Variants in ZC3H7A observed in about 807,000 individuals in gnomAD.
ZC3H7A encodes the protein zinc finger CCCH-type containing 7A, also known as zinc finger CCCH domain-containing protein 7A.
ZC3H7A carries 44 observed loss-of-function variants against 125.5 expected under a neutral mutation model. That is an observed-to-expected ratio of 0.35 (90% confidence interval 0.28 to 0.45). ZC3H7A has a LOEUF of 0.45. ZC3H7A is among the 20% of genes least tolerant of loss of function. The pLI, the probability that ZC3H7A is intolerant of heterozygous loss-of-function variation, is 1.00. For missense variants in ZC3H7A, 977 were observed against 1,170.7 expected (o/e 0.83, Z 2.41); for synonymous variants, 399 against 391.2 (o/e 1.02, Z -0.23).
At chr16:11,795,422 TTGTATGTA>T (rs147854211) in intron 1 of ZC3H7A, among the ~76,000 whole-genome samples, 1 of 152,228 alleles carries the variant, frequency 6.6e-6, no homozygotes, top group South Asian at 2.1e-4. Context: ...ATACGTGTCA[TTGTATGTA>T]TGTATGTATG....
intron 9 of ZC3H7A, 90 bp downstream of exon 9, chr16:11,774,146 G>A (rs2053039143): frequency 3.1e-6 from 4 of 1,276,874 alleles, no homozygotes; most frequent in Admixed American, 3.3e-5. Context: ...CAGCCTATAT[G>A]CAATACTGAA....
At chr16:11,794,104 C>T (rs924474930) in intron 1 of ZC3H7A, among the ~76,000 whole-genome samples, 2 of 152,182 alleles carry the variant, frequency 1.3e-5, no homozygotes, top group African/African-American at 4.8e-5. Context: ...AAGAACTCAA[C>T]AGGAATATTT....
intron 22 of ZC3H7A, 114 bp downstream of exon 22, chr16:11,752,555 C>CA (rs2052570299): frequency 7.5e-7 from 1 of 1,334,808 alleles, no homozygotes; most frequent in Admixed American, 2.7e-5. Flanking sequence ...CAGGGTCTGT[C>CA]AGAGCACAGC....
chr16:11,785,366 T>C (rs1596402991), intron 1 of ZC3H7A, among the ~76,000 whole-genome samples: 1 of 146,464 alleles, frequency 6.8e-6, no homozygotes, highest in African/African-American at 2.5e-5. Context: ...AGCAACCGGG[T>C]GTGGTGGTGC....
intron 16 of ZC3H7A, chr16:11,762,961 A>C: frequency 2.1e-6 from 1 of 478,786 alleles, no homozygotes; most frequent in East Asian, 3.4e-5. Flanking sequence ...CCTCCCAACA[A>C]TTGCATGTAT....
chr16:11,761,906 T>C lies in ZC3H7A; in HGVS notation c.2213+4A>G. ...TAGGAATTGTTTCCACACACAATAC[T>C]TACGAATGCCTTGCTTTTGCACTAC... On this transcript the variant is annotated splice_donor_region_variant and intron_variant, in intron 18 of 22. Transcript: ENST00000355758. 6.2e-7 allele frequency: 1 copy of C among 1,611,778 alleles called. No individual in the cohort carries two copies. The highest frequency in any genetic ancestry group is 8.5e-7 in the Non-Finnish European group (1 of 1,179,480).
At chr16:11,792,309 G>C (rs918471034) in intron 1 of ZC3H7A, among the ~76,000 whole-genome samples, 4 of 152,112 alleles carry the variant, frequency 2.6e-5, no homozygotes, top group African/African-American at 9.7e-5. Context: ...TCATCTCTCT[G>C]GGATCAGCTG....
At chr16:11,758,100 G>A (rs1012195913) in intron 20 of ZC3H7A, among the ~76,000 whole-genome samples, 3 of 152,140 alleles carry the variant, frequency 2.0e-5, no homozygotes, top group Non-Finnish European at 2.9e-5. Flanking sequence ...TCCAATACGA[G>A]CAGATGATCT....
intron 21 of ZC3H7A, among the ~76,000 whole-genome samples, chr16:11,755,017 G>A (rs2052617628): frequency 6.6e-6 from 1 of 151,642 alleles, no homozygotes; most frequent in Non-Finnish European, 1.5e-5. Flanking sequence ...AGACCAGCCT[G>A]GCCAACATGG....
At chr16:11,752,632 C>G in intron 22 of ZC3H7A, 37 bp downstream of exon 22, 5 of 1,583,698 alleles carry the variant, frequency 3.2e-6, no homozygotes, top group South Asian at 1.1e-5. Flanking sequence ...TTGAGGTCAG[C>G]AATTCTGACA....
chr16:11,761,753 G>T (rs1472215599), intron 18 of ZC3H7A, 157 bp downstream of exon 18: 1 of 1,026,646 alleles, frequency 9.7e-7, no homozygotes, highest in East Asian at 2.6e-5. Flanking sequence ...TATCTACTAG[G>T]TCCTAAAAAT....
Position 11,765,514 on chromosome 16 carries a change from A to G in ZC3H7A, c.1694T>C (p.Leu565Pro). ...CTCACAAAGGAATATAAATTCCCCAAGATGCTCCTGGAGAAGTTTGAACAC... is the reference window on the plus strand; with the variant it reads ...CTCACAAAGGAATATAAATTCCCCAGGATGCTCCTGGAGAAGTTTGAACAC... ...LTVFKLLQEH[L>P]GEFIFLCEKC... The change falls in exon 14 of 23, where the codon CTT (leucine) becomes CCT (proline). Residue 565 changes from leucine (L) to proline (P), a missense_variant. This residue lies in a region of ZC3H7A where 436 missense variants were observed against 603.2 expected (regional missense o/e 0.72). Transcript: ENST00000355758. This position sits in a 1 kb window ranked among gnomAD's most constrained non-coding sequence, Gnocchi z 4.8. The G allele has an allele frequency of 6.2e-7, 1 of 1,613,622 alleles. No individual in the cohort carries two copies. The highest frequency in any genetic ancestry group is 8.5e-7 in the Non-Finnish European group (1 of 1,179,728).
At chr16:11,757,044 C>A (rs1337100767) in intron 20 of ZC3H7A, among the ~76,000 whole-genome samples, 1 of 152,150 alleles carries the variant, frequency 6.6e-6, no homozygotes, top group East Asian at 1.9e-4. Context: ...CTAGAGAATT[C>A]TTTGCTGGGG....
At chr16:11,763,435 C>A (rs1194378834) in intron 16 of ZC3H7A, 43 bp downstream of exon 16, 3 of 1,545,336 alleles carry the variant, frequency 1.9e-6, no homozygotes, top group East Asian at 2.4e-5. Context: ...TAAACCCTGT[C>A]TGCTCTTGAG....
At chr16:11,786,654 T>A (rs2053261511) in intron 1 of ZC3H7A, among the ~76,000 whole-genome samples, 1 of 152,168 alleles carries the variant, frequency 6.6e-6, no homozygotes, top group African/African-American at 2.4e-5. Flanking sequence ...TGTTTATAGA[T>A]CTAGGATCAC....
chr16:11,761,308 T>C (rs2052748594), intron 19 of ZC3H7A, 98 bp downstream of exon 19: 5 of 1,163,108 alleles, frequency 4.3e-6, no homozygotes, highest in Admixed American at 1.9e-5. Flanking sequence ...CTGACGAATA[T>C]TATTTAAAGG....
Position 11,768,417 on chromosome 16 carries a change from CA to C in ZC3H7A, c.1257del (p.Phe419LeufsTer12). On this transcript the variant is annotated frameshift_variant, in exon 12 of 23. Coordinates refer to ENST00000355758, the MANE Select transcript of ZC3H7A (RefSeq NM_014153.4). LOFTEE classifies it high-confidence loss of function. ...SQPRNDFGNF[F>X]GSAVTKPSSS... ...GAAGATGGTTTGGTAACTGCACTTC[CA>C]AAAAAGTTTCCAAAGTCATTTCTAG... 2.5e-6 allele frequency: 4 copies of C among 1,585,008 alleles called. No individual in the cohort carries two copies. The highest frequency in any genetic ancestry group is 3.4e-6 in the Non-Finnish European group (4 of 1,162,690).
intron 21 of ZC3H7A, among the ~76,000 whole-genome samples, chr16:11,755,850 C>G (rs1389819221): frequency 6.6e-6 from 1 of 152,010 alleles, no homozygotes; most frequent in Non-Finnish European, 1.5e-5. Flanking sequence ...AGTGACGGAG[C>G]CGGGTTTTGG....
chr16:11,793,289 T>C (rs2053381570), intron 1 of ZC3H7A, among the ~76,000 whole-genome samples: 2 of 152,006 alleles, frequency 1.3e-5, no homozygotes, highest in African/African-American at 2.4e-5. Flanking sequence ...TCCCAACATT[T>C]TAGGAGGCTG....
Sources: allele counts gnomAD v4.1 joint callset (sites outside exome capture counted in the v4.1 genomes callset), GRCh38; gene constraint gnomAD v4.1.1; regional missense constraint gnomAD v4.1.1; non-coding constraint Gnocchi (gnomAD v3.1); transcripts MANE v1.5; gene names NCBI Gene and HGNC (gene_info 2026-07-23, HGNC 2026-07-21).